The following COL6A5 variants were observed in gnomAD, a reference collection of about 807,000 sequenced individuals.
COL6A5 encodes the protein collagen alpha-5(VI) chain.
Under a neutral mutation model 65.6 loss-of-function variants are expected in COL6A5, and 48 were observed. The ratio of observed to expected loss-of-function variants is 0.73; its 90% confidence interval spans 0.58 to 0.93. The LOEUF (loss-of-function observed/expected upper bound fraction) is 0.93. Ranked by LOEUF, COL6A5 falls within the 40% of genes least tolerant of loss-of-function variation. The pLI, the probability that COL6A5 is intolerant of heterozygous loss-of-function variation, is 0.00. For synonymous variants in COL6A5, 291 were observed against 322.8 expected, an observed-to-expected ratio of 0.90 and a Z score of 1.05; for missense variants, 914 against 928.3, an observed-to-expected ratio of 0.98 and a Z score of 0.20.
intron 4 of COL6A5, among the ~76,000 whole-genome samples, chr3:130,381,874 T>G (rs1421533022): frequency 6.6e-6 from 1 of 152,066 alleles, no homozygotes; most frequent in Non-Finnish European, 1.5e-5. Flanking sequence ...CACAAAAAAT[T>G]ATTATTGTCA....
chr3:130,479,094 A>G (rs1409435187), intron 7 of COL6A5, among the ~76,000 whole-genome samples: 1 of 152,020 alleles, frequency 6.6e-6, no homozygotes, highest in Non-Finnish European at 1.5e-5. Context: ...AACCCCCAAG[A>G]TCATGGTATT....
chr3:130,433,988 AC>A (rs536696057), intron 1 of COL6A5, among the ~76,000 whole-genome samples: 147 of 151,684 alleles, frequency 9.7e-4, no homozygotes, highest in African/African-American at 3.3e-3. Context: ...AACAAAAAAA[AC>A]AGGATACATG....
At chr3:130,356,776 A>C (rs1934939229) in intron 1 of COL6A5, among the ~76,000 whole-genome samples, 1 of 152,174 alleles carries the variant, frequency 6.6e-6, no homozygotes, top group Non-Finnish European at 1.5e-5. Flanking sequence ...CACTTGAAAA[A>C]TTTCAAACCA....
chr3:130,434,715 C>T (rs536855167), intron 1 of COL6A5, among the ~76,000 whole-genome samples: 1 of 152,102 alleles, frequency 6.6e-6, no homozygotes, highest in Non-Finnish European at 1.5e-5. Flanking sequence ...TCATATGTTT[C>T]TTAGCCACAT....
intron 1 of COL6A5, among the ~76,000 whole-genome samples, chr3:130,347,710 A>G (rs1303173614): frequency 6.6e-6 from 1 of 152,160 alleles, no homozygotes; most frequent in Non-Finnish European, 1.5e-5. Flanking sequence ...AGAATTTTCA[A>G]CCCCGGAGCA....
intron 4 of COL6A5, among the ~76,000 whole-genome samples, chr3:130,449,279 G>T (rs779324334): frequency 1.3e-5 from 2 of 152,142 alleles, no homozygotes; most frequent in African/African-American, 4.8e-5. Flanking sequence ...GAGGGGTTTA[G>T]TAATCCCTTC....
At chr3:130,377,698 A>G (rs992498045) in intron 3 of COL6A5, among the ~76,000 whole-genome samples, 3 of 152,176 alleles carry the variant, frequency 2.0e-5, no homozygotes, top group African/African-American at 7.2e-5. Context: ...GCCACTTAGG[A>G]CATTGAGTCC....
intron 20 of COL6A5, among the ~76,000 whole-genome samples, chr3:130,413,183 C>G (rs909100007): frequency 1.3e-5 from 2 of 151,926 alleles, no homozygotes; most frequent in African/African-American, 4.8e-5. Context: ...AGCTCTTCTC[C>G]CATGGGAAGG....
At chr3:130,347,019 A>G (rs1934505961) in intron 1 of COL6A5, among the ~76,000 whole-genome samples, 3 of 152,208 alleles carry the variant, frequency 2.0e-5, no homozygotes. Flanking sequence ...CCTTCAGATG[A>G]GGCAGGCTCT....
chr3:130,387,877 G>A (rs1308081568), intron 5 of COL6A5, among the ~76,000 whole-genome samples: 1 of 151,666 alleles, frequency 6.6e-6, no homozygotes, highest in African/African-American at 2.4e-5. Flanking sequence ...GGTTTTATAT[G>A]TGTACATATG....
In COL6A5 at chr3:130,389,147, G is replaced by A. The variant is rs898122070; in HGVS notation, c.2416+13G>A. On this transcript the variant is annotated intron_variant and NMD_transcript_variant, in intron 6 of 41. Coordinates refer to the COL6A5 transcript ENST00000312481. ...TGTGCTCTCCATGGTAAGTGTCCCT[G>A]TTATCTGTCAGGACTAAAGGATGTG... 1 of 1,401,414 alleles carries A rather than the reference G, an allele frequency of 7.1e-7. No homozygotes were observed. Among genetic ancestry groups the A allele is most frequent in the Admixed American group, 3.0e-5 (1 of 33,506 alleles). 86.8% of individuals were successfully genotyped at this position (1,401,414 alleles called of 1,614,324 possible).
At position 130,384,843 on chromosome 3, in the gene COL6A5, T is replaced by C. The variant is rs192615836; in HGVS notation, c.1340T>C (p.Ile447Thr). Residue 447 changes from isoleucine (I) to threonine (T), a missense_variant and NMD_transcript_variant, in exon 5 of 42, where the codon ATT becomes ACT. Physicochemically the swap from Ile to Thr is moderately conservative, Grantham distance 89. Coordinates refer to the COL6A5 transcript ENST00000312481. ...AAAGAGGCTGATATCCACTTCCTCA[T>C]TGATGGCTCAAGCAGCATCCAGGAG... is the stretch of plus-strand genomic sequence containing the variant. 1,047 of 1,549,908 alleles carry C rather than the reference T, an allele frequency of 6.8e-4. 5 individuals are homozygous for C. In the African/African-American group the frequency reaches 0.011, roughly 16 times the overall value.
At position 130,405,229 on chromosome 3, in the gene COL6A5, G is replaced by A. The variant is rs777129742; in HGVS notation, c.4282-359G>A. Among the ~76,000 whole-genome samples, 150 of 152,176 alleles carry A rather than the reference G, an allele frequency of 9.9e-4. 4 individuals carry two copies. The highest frequency in any genetic ancestry group is 2.6e-4 in the Non-Finnish European group (18 of 68,036). On this transcript the variant is annotated intron_variant and NMD_transcript_variant, in intron 13 of 41. Transcript: ENST00000312481. ...TTGTGGGTCTACTGTCAGCAATGCT[G>A]ACTCTCCCAGTATAGCATTAGGGCC...
intron 22 of COL6A5, among the ~76,000 whole-genome samples, 164 bp from the exon 23 acceptor site, chr3:130,415,481 A>T (rs1937311348): frequency 6.6e-6 from 1 of 152,148 alleles, no homozygotes; most frequent in South Asian, 2.1e-4. Flanking sequence ...CACTGAGTCC[A>T]CTGGGCCTGT....
chr3:130,376,712 C>T (rs745462929), exon 3 of COL6A5: 9 of 1,613,666 alleles, frequency 5.6e-6, no homozygotes, highest in Non-Finnish European at 7.6e-6. Context: ...AGGCCATGGC[C>T]ACATCCCATT....
At chr3:130,438,787 G>T (rs1709100406) in intron 1 of COL6A5, among the ~76,000 whole-genome samples, 1 of 152,078 alleles carries the variant, frequency 6.6e-6, no homozygotes, top group Admixed American at 6.6e-5. Context: ...GTTTTGCATG[G>T]TGCCTCACAT....
chr3:130,425,925 T>C (rs573295137), intron 29 of COL6A5, among the ~76,000 whole-genome samples: 3 of 152,304 alleles, frequency 2.0e-5, no homozygotes, highest in African/African-American at 7.2e-5. Flanking sequence ...TTAGTAAAAG[T>C]ATCTTTAAGA....
chr3:130,395,423 A>G, exon 8 of COL6A5: 1 of 1,545,754 alleles, frequency 6.5e-7, no homozygotes, highest in Non-Finnish European at 8.7e-7. Flanking sequence ...GGATGTGAAA[A>G]AAAGAATCAT....
At position 130,394,846 on chromosome 3, in the gene COL6A5, G is replaced by T. The variant is rs77326485; in HGVS notation, c.2993-44G>T. 9.2e-4 allele frequency: 1,343 copies of T among 1,456,870 alleles called. 11 individuals carry two copies. In the African/African-American group the frequency reaches 0.016, roughly 18 times the overall value. The allele number at this position is 1,456,870 out of a possible 1,614,324, so 90.2% of individuals were successfully genotyped here. Reference sequence around the variant, plus strand: ...AGTATATGAGGAAAGGAAAAATTTCGAATGATTCATGAGGAAAATAATTTA... The same window carrying T: ...AGTATATGAGGAAAGGAAAAATTTCTAATGATTCATGAGGAAAATAATTTA... On this transcript the variant is annotated intron_variant and NMD_transcript_variant, in intron 7 of 41. Coordinates refer to the COL6A5 transcript ENST00000312481.
Sources: gnomAD v4.1 joint callset for allele counts (sites outside exome capture counted in the v4.1 genomes callset) on GRCh38, gnomAD v4.1.1 for gene constraint, MANE v1.5 for transcripts, NCBI Gene and HGNC (gene_info 2026-07-23, HGNC 2026-07-21) for gene names.